Variants in SGCD observed in about 807,000 individuals in gnomAD.
The protein encoded by SGCD is delta-sarcoglycan.
A neutral mutation model predicts 36.6 loss-of-function variants in SGCD; 18 were observed. That is an observed-to-expected ratio of 0.49 (90% CI 0.34 to 0.73). The LOEUF (loss-of-function observed/expected upper bound fraction) is 0.73, where lower values mean the gene tolerates loss of function less well. Among genes scored for constraint, SGCD ranks in the 30% least tolerant of loss-of-function variants. The probability of loss-of-function intolerance (pLI) is 0.01; values close to 1 mark genes in which losing one functional copy is unlikely to be tolerated. For synonymous variants in SGCD, 133 were observed against 130.6 expected (o/e 1.02, Z -0.12); for missense variants, 387 against 346.7 (o/e 1.12, Z -0.92).
rs114222699 is a variant in SGCD, at chr5:156,321,603, C to T, written c.-43-7931C>T. Among the ~76,000 whole-genome samples, 313 of 152,170 alleles carry T rather than the reference C, an allele frequency of 2.1e-3. 2 individuals carry two copies. Among genetic ancestry groups the T allele is most frequent in the African/African-American group, 7.2e-3 (297 of 41,516 alleles). On this transcript the variant is annotated intron_variant, in intron 3 of 9. Transcript: ENST00000517913. Reference sequence around the variant, plus strand: ...GCCATTCTGGTAAGATGGAGGTGACCCTTTCTTTTTGCCTCCAGGGTTGTT... The same window carrying T: ...GCCATTCTGGTAAGATGGAGGTGACTCTTTCTTTTTGCCTCCAGGGTTGTT...
intron 7 of SGCD, among the ~76,000 whole-genome samples, chr5:156,733,355 T>C (rs1756178774): frequency 6.6e-6 from 1 of 152,108 alleles, no homozygotes; most frequent in Non-Finnish European, 1.5e-5. Context: ...AGTTGTGTGG[T>C]TTTGAGTGAT....
chr5:156,642,805 C>G (rs888816650), intron 6 of SGCD, among the ~76,000 whole-genome samples: 1 of 151,742 alleles, frequency 6.6e-6, no homozygotes, highest in Non-Finnish European at 1.5e-5. Flanking sequence ...AACTGTGAAG[C>G]GTTTCCATAG....
At chr5:156,313,950 G>T (rs1767450858) in intron 3 of SGCD, among the ~76,000 whole-genome samples, 1 of 151,514 alleles carries the variant, frequency 6.6e-6, no homozygotes, top group South Asian at 2.1e-4. Flanking sequence ...TAAGTATTTG[G>T]GTATCTTTTC....
the SGCD span, among the ~76,000 whole-genome samples, chr5:155,792,433 C>CAAAAAAAAAAAA: frequency 1.1e-5 from 1 of 92,354 alleles, no homozygotes. Context: ...TTCTACATAG[C>CAAAAAAAAAAAA]AAAAAAAAAA....
chr5:156,301,222 T>G (rs76630253), intron 3 of SGCD, among the ~76,000 whole-genome samples: 8,723 of 152,102 alleles, frequency 0.057, 339 homozygotes, highest in Non-Finnish European at 0.087. Flanking sequence ...CTGGTGATAT[T>G]TTTAAATGTT....
chr5:156,398,320 C>T (rs1234844137), intron 3 of SGCD, among the ~76,000 whole-genome samples: 1 of 152,142 alleles, frequency 6.6e-6, no homozygotes, highest in Non-Finnish European at 1.5e-5. Flanking sequence ...GCAGAAAGAG[C>T]CTCCCTCTAG....
chr5:155,862,450 C>G, the SGCD span, among the ~76,000 whole-genome samples: 9 of 152,118 alleles, frequency 5.9e-5, no homozygotes, highest in Admixed American at 3.9e-4. Flanking sequence ...CCTCAGCCTC[C>G]TAAGTAGCTC....
chr5:156,368,242 C>CACCAT (rs1003497623), intron 3 of SGCD, among the ~76,000 whole-genome samples: 1 of 152,036 alleles, frequency 6.6e-6, no homozygotes, highest in Non-Finnish European at 1.5e-5. Flanking sequence ...AGGCGCCTGC[C>CACCAT]ACCATACCCA....
intron 7 of SGCD, among the ~76,000 whole-genome samples, chr5:156,725,492 G>A (rs548159506): frequency 2.6e-5 from 4 of 152,330 alleles, no homozygotes; most frequent in South Asian, 2.1e-4. Context: ...ATGTGAGATG[G>A]AGTCCAGAGC....
rs566992036 is a variant in SGCD, at chr5:155,900,869, A to T, written c.-282+30445A>T. The stretch of plus-strand genomic sequence containing the variant: ...AAAACAACATAATATAAACAATTTG[A>T]TGAGTTCAGAAATATGTGCACACTC... On this transcript the variant is annotated intron_variant, in intron 1 of 9. Coordinates refer to the SGCD transcript ENST00000517913. Among the ~76,000 whole-genome samples the T allele has an allele frequency of 2.6e-5, 4 of 152,272 alleles. No homozygotes were observed. The South Asian group carries it at 8.3e-4, about 32-fold the overall frequency.
At chr5:156,700,319 A>G (rs1754479310) in intron 7 of SGCD, among the ~76,000 whole-genome samples, 1 of 151,998 alleles carries the variant, frequency 6.6e-6, no homozygotes, top group Admixed American at 6.6e-5. Context: ...TTCTCTTCAA[A>G]CCTTCAATAT....
At chr5:156,758,389 G>GT (rs3839272) in intron 8 of SGCD, among the ~76,000 whole-genome samples, 1,468 of 140,820 alleles carry the variant, frequency 0.01, 16 homozygotes, top group East Asian at 0.052. Context: ...AAATCTGTGT[G>GT]TTTTTTTTTT....
chr5:156,161,397 G>A (rs1211290716), intron 3 of SGCD, among the ~76,000 whole-genome samples: 1 of 151,770 alleles, frequency 6.6e-6, no homozygotes, highest in Non-Finnish European at 1.5e-5. Flanking sequence ...CTTGATAATA[G>A]TAATCATAGC....
intron 3 of SGCD, among the ~76,000 whole-genome samples, chr5:156,127,857 A>C (rs1762216760): frequency 1.1e-5 from 1 of 87,706 alleles, no homozygotes; most frequent in Non-Finnish European, 2.0e-5. Flanking sequence ...ATAAATGCAA[A>C]AAAAAAAAAA....
At chr5:156,073,888 C>G (rs986404826) in intron 1 of SGCD, among the ~76,000 whole-genome samples, 3 of 152,168 alleles carry the variant, frequency 2.0e-5, no homozygotes, top group Non-Finnish European at 2.9e-5. Flanking sequence ...CAAGGCTTGA[C>G]AGGTCTGAAA....
chr5:156,294,399 C>T (rs1345732310), intron 3 of SGCD, among the ~76,000 whole-genome samples: 1 of 152,038 alleles, frequency 6.6e-6, no homozygotes, highest in Non-Finnish European at 1.5e-5. Flanking sequence ...GAGTTCAAGA[C>T]TGGCCTGGTC....
intron 1 of SGCD, among the ~76,000 whole-genome samples, chr5:156,012,863 C>T (rs1260830781): frequency 6.6e-6 from 1 of 151,618 alleles, no homozygotes; most frequent in African/African-American, 2.4e-5. Flanking sequence ...CTGCCTGCCT[C>T]GAAAAGTGCT....
At chr5:155,996,916 G>C (rs1758564693) in intron 1 of SGCD, among the ~76,000 whole-genome samples, 1 of 151,970 alleles carries the variant, frequency 6.6e-6, no homozygotes, top group African/African-American at 2.4e-5. Flanking sequence ...TAGACAGACA[G>C]ACAGGCAGGC....
At chr5:155,832,176 G>C in the SGCD span, among the ~76,000 whole-genome samples, 2 of 152,178 alleles carry the variant, frequency 1.3e-5, no homozygotes, top group East Asian at 3.9e-4. Flanking sequence ...AAATGAAAGA[G>C]AGATTAGTTT....
Sources: allele counts gnomAD v4.1 joint callset (sites outside exome capture counted in the v4.1 genomes callset), GRCh38; gene constraint gnomAD v4.1.1; transcripts MANE v1.5; gene names NCBI Gene and HGNC (gene_info 2026-07-23, HGNC 2026-07-21).